SLAIN1: variants seen among roughly 807,000 people sequenced by gnomAD.
SLAIN1 encodes the protein SLAIN family member 1.
Under a neutral mutation model 55.4 loss-of-function variants are expected in SLAIN1, and 17 were observed. The ratio of observed to expected loss-of-function variants is 0.31; its 90% CI spans 0.21 to 0.46. The LOEUF is 0.46. Among genes scored for constraint, SLAIN1 ranks in the 20% least tolerant of loss-of-function variants. SLAIN1 has a pLI of 1.00. For synonymous variants in SLAIN1, 348 were observed against 337.4 expected, an observed-to-expected ratio of 1.03 and a Z score of -0.35; for missense variants, 682 against 785.1, an observed-to-expected ratio of 0.87 and a Z score of 1.57.
At chr13:77,706,673 T>A (rs1207116591) in intron 1 of SLAIN1, among the ~76,000 whole-genome samples, 2 of 68,794 alleles carry the variant, frequency 2.9e-5, no homozygotes, top group African/African-American at 2.5e-4. Flanking sequence ...TCGTTTGTAT[T>A]TTTTTTATTC....
chr13:77,746,233 A>G (rs1367092258), intron 3 of SLAIN1, among the ~76,000 whole-genome samples: 1 of 152,120 alleles, frequency 6.6e-6, no homozygotes, highest in Non-Finnish European at 1.5e-5. Context: ...AAAAGGGGAA[A>G]TTGATAGATA....
intron 1 of SLAIN1, among the ~76,000 whole-genome samples, chr13:77,700,343 A>G (rs1046642465): frequency 1.3e-5 from 2 of 152,194 alleles, no homozygotes; most frequent in African/African-American, 2.4e-5. Flanking sequence ...AGCAGGTTCT[A>G]TTTCATTCAA....
intron 2 of SLAIN1, chr13:77,743,288 A>G (rs1206732043): frequency 1.3e-6 from 1 of 773,034 alleles, no homozygotes; most frequent in Non-Finnish European, 1.8e-6. Flanking sequence ...TTTGTGCTGC[A>G]CACTTACTTT....
In SLAIN1 at chr13:77,743,995, T is replaced by C. The variant is rs558329904; in HGVS notation, c.767-288T>C. Among the ~76,000 whole-genome samples, 5 of 152,160 alleles carry C rather than the reference T, an allele frequency of 3.3e-5. No homozygotes were observed. In the East Asian group the frequency reaches 5.8e-4, roughly 18 times the overall value. ...ATTTTAGCAGTAGTGAATTTTTTAT[T>C]GTGATAAAAAATATAATGTGAAATC... On this transcript the variant is annotated intron_variant, in intron 2 of 6. Transcript: ENST00000418532.
chr13:77,734,367 C>G (rs1416357047), intron 2 of SLAIN1, among the ~76,000 whole-genome samples: 1 of 152,130 alleles, frequency 6.6e-6, no homozygotes, highest in Non-Finnish European at 1.5e-5. Context: ...TGGCTTGGAA[C>G]TGAGGCTTGC....
At chr13:77,749,488 T>C (rs939884909) in intron 4 of SLAIN1, among the ~76,000 whole-genome samples, 1 of 152,166 alleles carries the variant, frequency 6.6e-6, no homozygotes, top group African/African-American at 2.4e-5. Flanking sequence ...TCTAGCTGTT[T>C]GGTGGACAAT....
chr13:77,750,443 GCTGT>G (rs1298083927), intron 4 of SLAIN1, among the ~76,000 whole-genome samples: 1 of 152,162 alleles, frequency 6.6e-6, no homozygotes, highest in Non-Finnish European at 1.5e-5. Context: ...ACTGATAGAG[GCTGT>G]CTTTTTTACA....
In SLAIN1 at chr13:77,698,898, C is replaced by T. The variant is rs2091001742; in HGVS notation, c.626+359C>T. 4 of 1,532,440 alleles carry T rather than the reference C, an allele frequency of 2.6e-6. No individual in the cohort carries two copies. Among genetic ancestry groups the T allele is most frequent in the Non-Finnish European group, 3.5e-6 (4 of 1,145,538 alleles). 94.9% of individuals were successfully genotyped at this position (1,532,440 alleles called of 1,614,324 possible). A position where few individuals can be genotyped will look rare whatever the true frequency, so the allele number is the denominator to read the frequency against. On this transcript the variant is annotated intron_variant, in intron 1 of 6. Coordinates refer to ENST00000418532, the MANE Select transcript of SLAIN1 (RefSeq NM_001242868.2). This position sits in a 1 kb window ranked among gnomAD's most constrained non-coding sequence, Gnocchi z 4.1. The stretch of plus-strand genomic sequence containing the variant: ...TTTTGCTCAGTGCTGCTCTTTTCCC[C>T]AGTGTTTTCGGAGGGATGACGGGGG...
chr13:77,763,116 C>G, intron 6 of SLAIN1, 29 bp from the exon 7 acceptor site: 1 of 1,585,544 alleles, frequency 6.3e-7, no homozygotes, highest in South Asian at 1.1e-5. Flanking sequence ...TTAACAATCT[C>G]TCTCTCTGTT....
intron 2 of SLAIN1, among the ~76,000 whole-genome samples, chr13:77,729,600 C>T (rs562256908): frequency 6.6e-6 from 1 of 151,534 alleles, no homozygotes; most frequent in South Asian, 2.1e-4. Flanking sequence ...TTTTCTGAAA[C>T]ACTGGGGCTT....
chr13:77,754,549 C>A (rs754477998), intron 5 of SLAIN1, among the ~76,000 whole-genome samples: 1 of 152,172 alleles, frequency 6.6e-6, no homozygotes, highest in African/African-American at 2.4e-5. Flanking sequence ...TCTAGCTCCA[C>A]GTGCTGTTCT....
intron 1 of SLAIN1, among the ~76,000 whole-genome samples, chr13:77,713,098 G>A (rs761394865): frequency 4.6e-5 from 7 of 152,006 alleles, no homozygotes; most frequent in Non-Finnish European, 8.8e-5. Context: ...ACCTAAAACC[G>A]TAAAAACCCT....
intron 2 of SLAIN1, among the ~76,000 whole-genome samples, chr13:77,725,453 T>C (rs560614985): frequency 6.6e-6 from 1 of 152,218 alleles, no homozygotes; most frequent in Non-Finnish European, 1.5e-5. Context: ...CTCTGCATTA[T>C]GCTTTTGTCT....
At chr13:77,762,262 A>G (rs762495719) in intron 6 of SLAIN1, among the ~76,000 whole-genome samples, 4 of 152,184 alleles carry the variant, frequency 2.6e-5, no homozygotes, top group African/African-American at 9.6e-5. Context: ...GTATATGGTT[A>G]TTGTAGACCA....
chr13:77,749,054 A>G (rs1401754278), intron 4 of SLAIN1, among the ~76,000 whole-genome samples: 2 of 152,156 alleles, frequency 1.3e-5, no homozygotes, highest in African/African-American at 2.4e-5. Flanking sequence ...CCTAGCCTGC[A>G]TTTGTTACTA....
At chr13:77,699,201 T>G (rs1164257123) in intron 1 of SLAIN1, 1 of 671,888 alleles carries the variant, frequency 1.5e-6, no homozygotes, top group South Asian at 2.4e-5. Flanking sequence ...TAAAGAGGAC[T>G]TTTCTTGGAG....
Position 77,697,727 on chromosome 13 carries a change from G to A in SLAIN1, c.-187G>A. The A allele has an allele frequency of 2.9e-6, 1 of 347,790 alleles. No individual in the cohort carries two copies. The highest frequency in any genetic ancestry group is 4.6e-6 in the Non-Finnish European group (1 of 217,238). 21.5% of individuals were successfully genotyped at this position (347,790 alleles called of 1,614,324 possible). ...GCACTGAGCATGTGCAGATCAGCTC[G>A]GTGGTGGCTGCCGCGGCCGGAGGCG... is the stretch of plus-strand genomic sequence containing the variant. On this transcript the variant is annotated 5_prime_UTR_variant, in exon 1 of 7. Transcript: ENST00000418532.
chr13:77,733,166 G>GA (rs757790129), intron 2 of SLAIN1, among the ~76,000 whole-genome samples: 2 of 152,130 alleles, frequency 1.3e-5, no homozygotes, highest in African/African-American at 2.4e-5. Flanking sequence ...CAACATGGTG[G>GA]AATTTGTAAC....
At chr13:77,747,142 C>T (rs138287916) in intron 4 of SLAIN1, among the ~76,000 whole-genome samples, 63 of 151,638 alleles carry the variant, frequency 4.2e-4, no homozygotes, top group African/African-American at 1.5e-3. Flanking sequence ...GGGGTTTCAC[C>T]CTGTTGACCA....
Sources: gnomAD v4.1 joint callset for allele counts (sites outside exome capture counted in the v4.1 genomes callset) on GRCh38, gnomAD v4.1.1 for gene constraint, Gnocchi (gnomAD v3.1) non-coding constraint, MANE v1.5 for transcripts, NCBI Gene and HGNC (gene_info 2026-07-23, HGNC 2026-07-21) for gene names.